The following FOCAD variants were observed in gnomAD, a reference collection of about 807,000 sequenced individuals.
FOCAD encodes focadhesin.
In FOCAD, 198 loss-of-function variants were observed where a neutral mutation model predicts 225.6. The ratio of observed to expected loss-of-function variants is 0.88; its 90% confidence interval spans 0.78 to 0.99. The LOEUF is 0.99. Among genes scored for constraint, FOCAD ranks in the 50% least tolerant of loss-of-function variants. The pLI is 0.00. For missense variants in FOCAD, 2,713 were observed against 2,123.6 expected (o/e 1.28, Z -5.46); for synonymous variants, 897 against 755.0 (o/e 1.19, Z -3.08).
intron 21 of FOCAD, among the ~76,000 whole-genome samples, chr9:20,901,634 A>G (rs1224958940): frequency 6.6e-6 from 1 of 151,908 alleles, no homozygotes; most frequent in Non-Finnish European, 1.5e-5. Flanking sequence ...AGTCCCTTGT[A>G]GTAAAACATG....
intron 11 of FOCAD, among the ~76,000 whole-genome samples, chr9:20,812,639 G>C (rs1321581975): frequency 6.6e-6 from 1 of 151,760 alleles, no homozygotes; most frequent in Non-Finnish European, 1.5e-5. Context: ...TTGCATGATG[G>C]CTCTTTGTTT....
intron 1 of FOCAD, among the ~76,000 whole-genome samples, chr9:20,699,830 T>A (rs1484236899): frequency 1.1e-4 from 13 of 120,662 alleles, no homozygotes; most frequent in Non-Finnish European, 1.7e-4. Context: ...AGCTACATAT[T>A]ACATCTTAAC....
chr9:20,678,799 C>T (rs968396045), intron 2 of FOCAD, among the ~76,000 whole-genome samples: 3 of 152,144 alleles, frequency 2.0e-5, no homozygotes, highest in Admixed American at 6.5e-5. Context: ...TCAGCTTAGG[C>T]GTGATTTGGG....
intron 39 of FOCAD, among the ~76,000 whole-genome samples, chr9:20,983,511 G>A (rs1380425604): frequency 6.7e-6 from 1 of 148,832 alleles, no homozygotes; most frequent in East Asian, 2.0e-4. Context: ...GGTGGAGGTT[G>A]CAGTGAGCCG....
chr9:20,665,933 C>T (rs893236688), intron 2 of FOCAD, among the ~76,000 whole-genome samples: 8 of 151,980 alleles, frequency 5.3e-5, no homozygotes, highest in Non-Finnish European at 1.2e-4. Flanking sequence ...CTCGCTCTGT[C>T]ACCGAGGTTG....
At chr9:20,756,822 T>A (rs949181332) in intron 5 of FOCAD, among the ~76,000 whole-genome samples, 2 of 152,280 alleles carry the variant, frequency 1.3e-5, no homozygotes, top group African/African-American at 4.8e-5. Context: ...TTTTGAAAAA[T>A]CATTGCTGGA....
At chr9:20,714,000 G>T (rs1170900875) in intron 1 of FOCAD, among the ~76,000 whole-genome samples, 1 of 152,184 alleles carries the variant, frequency 6.6e-6, no homozygotes, top group East Asian at 1.9e-4. Context: ...GGGGAGGAAA[G>T]TTGGACATAG....
intron 3 of FOCAD, among the ~76,000 whole-genome samples, chr9:20,718,280 TTC>T (rs1286759650): frequency 6.6e-6 from 1 of 152,130 alleles, no homozygotes; most frequent in Non-Finnish European, 1.5e-5. Flanking sequence ...CAGCTGTGAG[TTC>T]TTAGTTGGAA....
intron 35 of FOCAD, among the ~76,000 whole-genome samples, chr9:20,963,667 A>G (rs1232123500): frequency 6.6e-6 from 1 of 152,246 alleles, no homozygotes; most frequent in Non-Finnish European, 1.5e-5. Context: ...CAGTTTATCA[A>G]ACTATTTCTA....
At chr9:20,769,148 G>T (rs530704075) in intron 7 of FOCAD, among the ~76,000 whole-genome samples, 1 of 152,102 alleles carries the variant, frequency 6.6e-6, no homozygotes, top group African/African-American at 2.4e-5. Context: ...TTATAACAAT[G>T]TTTTCTGCTA....
chr9:20,843,913 A>C (rs1315577278), intron 15 of FOCAD, among the ~76,000 whole-genome samples: 1 of 152,164 alleles, frequency 6.6e-6, no homozygotes, highest in Non-Finnish European at 1.5e-5. Context: ...GTTAGGGTTT[A>C]GAGTCAGCAG....
chr9:20,793,243 C>T (rs1820722062), intron 11 of FOCAD, among the ~76,000 whole-genome samples: 1 of 152,156 alleles, frequency 6.6e-6, no homozygotes, highest in South Asian at 2.1e-4. Context: ...AGCAATTAGG[C>T]AAAGAGAAGC....
rs10964736 is a variant in FOCAD, at chr9:20,841,499, G to A, written c.1920+18384G>A. 4.8e-3 allele frequency among the ~76,000 whole-genome samples: 732 copies of A among 151,648 alleles called. 3 individuals carry two copies. The highest frequency in any genetic ancestry group is 7.9e-3 in the Non-Finnish European group (534 of 67,740). On this transcript the variant is annotated intron_variant, in intron 15 of 43. Transcript: ENST00000338382. ...TCCTAGTTTGGTCTTGTTGGTATGT[G>A]TCTAAGAATTTATTAGTTTCATCTA... is the stretch of plus-strand genomic sequence containing the variant.
chr9:20,749,520 G>T (rs971732450), intron 5 of FOCAD, among the ~76,000 whole-genome samples: 1 of 151,966 alleles, frequency 6.6e-6, no homozygotes, highest in Non-Finnish European at 1.5e-5. Context: ...CTTAAAATCT[G>T]CAGATTAAAA....
chr9:20,978,485 G>A (rs1364386769), intron 37 of FOCAD, 31 bp downstream of exon 37: 1 of 1,425,676 alleles, frequency 7.0e-7, no homozygotes, highest in South Asian at 1.2e-5. Context: ...TTGGCCAACA[G>A]GAGGATATTG....
At chr9:20,836,406 G>C (rs1825996237) in intron 15 of FOCAD, among the ~76,000 whole-genome samples, 1 of 152,016 alleles carries the variant, frequency 6.6e-6, no homozygotes, top group African/African-American at 2.4e-5. Flanking sequence ...AAGGTGGATT[G>C]CCTGTCTAAC....
At chr9:20,923,932 G>C (rs550161128) in intron 25 of FOCAD, among the ~76,000 whole-genome samples, 164 bp downstream of exon 25, 1 of 152,192 alleles carries the variant, frequency 6.6e-6, no homozygotes, top group South Asian at 2.1e-4. Context: ...TCCTAACTTT[G>C]CTGCTTTTCT....
At chr9:20,718,445 CTT>C (rs59438249) in intron 3 of FOCAD, among the ~76,000 whole-genome samples, 59,291 of 151,964 alleles carry the variant, frequency 0.39, 11,722 homozygotes, top group South Asian at 0.48. Context: ...GGAAACTCTT[CTT>C]TTAAGAGAGG....
At chr9:20,713,192 C>A (rs908110484) in intron 1 of FOCAD, among the ~76,000 whole-genome samples, 2 of 152,196 alleles carry the variant, frequency 1.3e-5, no homozygotes, top group African/African-American at 4.8e-5. Flanking sequence ...GTGTGTCAGT[C>A]CCTGTAGTGG....
Sources: allele counts gnomAD v4.1 joint callset (sites outside exome capture counted in the v4.1 genomes callset), GRCh38; gene constraint gnomAD v4.1.1; transcripts MANE v1.5; gene names NCBI Gene and HGNC (gene_info 2026-07-23, HGNC 2026-07-21).